Variants in PCDH15 observed in about 807,000 individuals in gnomAD.
PCDH15 encodes protocadherin related 15, also known as protocadherin-15.
Under a neutral mutation model 178.5 loss-of-function variants are expected in PCDH15, and 129 were observed. The observed-to-expected ratio is 0.72, with a 90% confidence interval of 0.63 to 0.84. The LOEUF (loss-of-function observed/expected upper bound fraction) is 0.84. Ranked by LOEUF, PCDH15 falls within the 40% of genes least tolerant of loss-of-function variation. PCDH15 has a pLI of 0.00. For synonymous variants in PCDH15, 800 were observed against 732.0 expected (o/e 1.09, Z -1.50); for missense variants, 2,230 against 2,099.9 (o/e 1.06, Z -1.21).
chr10:53,810,574 T>C lies in PCDH15; in HGVS notation c.4653A>G (p.Glu1551=). The change falls in exon 37 of 38, where the codon GAA becomes GAG. Residue 1551 remains glutamate, a synonymous_variant. Transcript: ENST00000644397. ...TAATTACCTCTTCCTCCTCATATTCTTCCTCAGCTTCACCAACCACCTCAC... is the reference window on the plus strand; with the variant it reads ...TAATTACCTCTTCCTCCTCATATTCCTCCTCAGCTTCACCAACCACCTCAC... ...EYGEVVGEAE[E]EYEEEEWARK... 2 of 1,613,132 alleles carry C rather than the reference T, an allele frequency of 1.2e-6. No individual in the cohort carries two copies. The highest frequency in any genetic ancestry group is 1.7e-6 in the Non-Finnish European group (2 of 1,179,744).
chr10:54,521,486 C>G (rs2082855849), intron 3 of PCDH15, among the ~76,000 whole-genome samples: 1 of 152,114 alleles, frequency 6.6e-6, no homozygotes, highest in African/African-American at 2.4e-5. Flanking sequence ...TTTTATCAAG[C>G]AAAGTAAATA....
rs573425082 is a variant in PCDH15, at chr10:55,035,643, A to T, written c.-80+130933T>A. Among the ~76,000 whole-genome samples the T allele has an allele frequency of 9.8e-5, 15 of 152,346 alleles. No homozygotes were observed. The South Asian group carries it at 3.1e-3, about 32-fold the overall frequency. On this transcript the variant is annotated intron_variant, in intron 2 of 5. Transcript: ENST00000458638. Reference sequence around the variant, plus strand: ...TTTTGCATTTTTAAAAATATTATAGATACTTAGAAAAGGAGGATGCTCAAT... The same window carrying T: ...TTTTGCATTTTTAAAAATATTATAGTTACTTAGAAAAGGAGGATGCTCAAT...
At chr10:54,850,406 G>A (rs1226461952) in intron 3 of PCDH15, among the ~76,000 whole-genome samples, 2 of 151,796 alleles carry the variant, frequency 1.3e-5, no homozygotes, top group Non-Finnish European at 2.9e-5. Flanking sequence ...GTATACAATG[G>A]GCCCAATTTG....
intron 2 of PCDH15, among the ~76,000 whole-genome samples, chr10:54,613,401 A>T (rs1474266243): frequency 1.3e-5 from 2 of 151,860 alleles, no homozygotes; most frequent in Non-Finnish European, 2.9e-5. Flanking sequence ...AGCAAATATG[A>T]TTCACTTTGT....
At chr10:55,280,470 G>A (rs1400275160) in intron 1 of PCDH15, among the ~76,000 whole-genome samples, 1 of 110,306 alleles carries the variant, frequency 9.1e-6, no homozygotes, top group Admixed American at 1.0e-4. Context: ...TTTTTTTTTA[G>A]TAGAGACAGG....
chr10:55,054,479 A>G (rs1841243922), intron 2 of PCDH15, among the ~76,000 whole-genome samples: 1 of 152,164 alleles, frequency 6.6e-6, no homozygotes, highest in African/African-American at 2.4e-5. Context: ...ATAGTGCTGC[A>G]ATGAAAATAC....
intron 2 of PCDH15, among the ~76,000 whole-genome samples, chr10:55,034,324 G>A (rs1296852558): frequency 6.6e-6 from 1 of 152,104 alleles, no homozygotes; most frequent in African/African-American, 2.4e-5. Flanking sequence ...TCCTAACAGT[G>A]AGAGTTGAAT....
intron 2 of PCDH15, among the ~76,000 whole-genome samples, chr10:55,430,272 T>C (rs1030143543): frequency 6.6e-6 from 1 of 151,008 alleles, no homozygotes; most frequent in African/African-American, 2.4e-5. Context: ...GCCTGGCTGA[T>C]GGAACAAGAC....
rs561440224 is a variant in PCDH15, at chr10:54,985,294, T to C, written c.-79-87794A>G. Among the ~76,000 whole-genome samples, 6 of 152,280 alleles carry C rather than the reference T, an allele frequency of 3.9e-5. No individual in the cohort carries two copies. The South Asian group carries it at 6.2e-4, about 16-fold the overall frequency. On this transcript the variant is annotated intron_variant, in intron 2 of 5. Coordinates refer to the PCDH15 transcript ENST00000458638. The stretch of plus-strand genomic sequence containing the variant: ...GATATGGACTCTCAATAAAAAGGGA[T>C]AGAAGTTTGATATACACATATATTC...
At chr10:54,465,844 T>C (rs185398406) in intron 3 of PCDH15, among the ~76,000 whole-genome samples, 2 of 152,156 alleles carry the variant, frequency 1.3e-5, no homozygotes, top group Admixed American at 1.3e-4. Flanking sequence ...ACTGCACTGA[T>C]TGACATTGCC....
intron 13 of PCDH15, among the ~76,000 whole-genome samples, chr10:54,175,596 T>C (rs539191950): frequency 3.0e-4 from 46 of 152,284 alleles, no homozygotes; most frequent in African/African-American, 1.0e-3. Flanking sequence ...TTGGTACTAT[T>C]ATTATCACCA....
intron 1 of PCDH15, among the ~76,000 whole-genome samples, chr10:55,264,598 G>A (rs1391337849): frequency 6.6e-6 from 1 of 152,122 alleles, no homozygotes; most frequent in Non-Finnish European, 1.5e-5. Flanking sequence ...AAAGAAAGAA[G>A]GAAATGAGGG....
Position 55,027,736 on chromosome 10 carries a change from A to C in PCDH15, c.-79-130236T>G, listed in dbSNP as rs992055030. 2.0e-5 allele frequency among the ~76,000 whole-genome samples: 3 copies of C among 151,802 alleles called. No homozygotes were observed. In the East Asian group the frequency reaches 5.8e-4, roughly 29 times the overall value. ...GTTTTAAAATACCACTCTGGTGTTT[A>C]TTTGCTGTGTTTATAATTCTTGTTC... is the stretch of plus-strand genomic sequence containing the variant. On this transcript the variant is annotated intron_variant, in intron 2 of 5. Coordinates refer to the PCDH15 transcript ENST00000458638.
chr10:55,438,805 A>G (rs10825514), intron 2 of PCDH15, among the ~76,000 whole-genome samples: 49,552 of 151,654 alleles, frequency 0.33, 8,687 homozygotes, highest in East Asian at 0.55. Flanking sequence ...ATCCTTCCTG[A>G]AATGGGGTCA....
intron 15 of PCDH15, among the ~76,000 whole-genome samples, chr10:54,125,688 G>T (rs1278628648): frequency 6.6e-6 from 1 of 152,126 alleles, no homozygotes; most frequent in Non-Finnish European, 1.5e-5. Flanking sequence ...CATAGGAAAA[G>T]TTACTTCTGC....
intron 1 of PCDH15, among the ~76,000 whole-genome samples, chr10:54,682,177 T>C (rs1405599826): frequency 5.1e-5 from 2 of 39,250 alleles, no homozygotes; most frequent in African/African-American, 1.9e-4. Context: ...GTAGACAAAC[T>C]ACTATTTTTA....
At chr10:54,413,362 T>C (rs898100852) in intron 3 of PCDH15, among the ~76,000 whole-genome samples, 2 of 152,186 alleles carry the variant, frequency 1.3e-5, no homozygotes, top group Non-Finnish European at 2.9e-5. Context: ...TCTGAGTTGC[T>C]GTTTAAAATT....
intron 2 of PCDH15, among the ~76,000 whole-genome samples, chr10:54,638,265 T>C (rs1390337853): frequency 2.0e-5 from 3 of 152,122 alleles, no homozygotes; most frequent in Non-Finnish European, 4.4e-5. Context: ...AGAGAAAGTA[T>C]GTATTTTACC....
intron 2 of PCDH15, among the ~76,000 whole-genome samples, chr10:55,412,927 T>G (rs12781262): frequency 1.2e-4 from 17 of 147,056 alleles, no homozygotes; most frequent in Non-Finnish European, 1.8e-4. Context: ...ACACGGCAAA[T>G]TGAACTGCAA....
Sources: allele counts gnomAD v4.1 joint callset (sites outside exome capture counted in the v4.1 genomes callset), GRCh38; gene constraint gnomAD v4.1.1; transcripts MANE v1.5; gene names NCBI Gene and HGNC (gene_info 2026-07-23, HGNC 2026-07-21).